Variants in TDRD12 observed in about 807,000 individuals in gnomAD.
The protein encoded by TDRD12 is tudor domain containing 12, also known as putative ATP-dependent RNA helicase TDRD12.
In TDRD12, 158 loss-of-function variants were observed where a neutral mutation model predicts 133.5. The observed-to-expected ratio is 1.18, with a 90% CI of 1.04 to 1.35. TDRD12 has a LOEUF of 1.35. Ranked by LOEUF, TDRD12 falls within the 40% of genes most tolerant of loss-of-function variation. The pLI is 0.00. For missense variants in TDRD12, 1,443 were observed against 1,321.3 expected (o/e 1.09, Z -1.43); for synonymous variants, 460 against 477.9 (o/e 0.96, Z 0.49).
intron 2 of TDRD12, among the ~76,000 whole-genome samples, chr19:32,736,522 A>G (rs1350868630): frequency 6.6e-6 from 1 of 152,238 alleles, no homozygotes. Context: ...TGAATTATTA[A>G]CTATTCATGG....
intron 14 of TDRD12, among the ~76,000 whole-genome samples, chr19:32,795,205 T>C (rs146598178): frequency 0.01 from 1,529 of 151,988 alleles, 24 homozygotes; most frequent in African/African-American, 0.035. Flanking sequence ...CATGGTGGCA[T>C]GCCTGTAATC....
intron 14 of TDRD12, chr19:32,796,041 T>G: frequency 6.1e-6 from 3 of 488,502 alleles, no homozygotes; most frequent in South Asian, 8.8e-5. Context: ...ACCATTTCAC[T>G]GAGAAAGAGG....
chr19:32,771,574 C>T (rs1483580810), intron 8 of TDRD12, among the ~76,000 whole-genome samples: 1 of 150,376 alleles, frequency 6.6e-6, no homozygotes, highest in African/African-American at 2.4e-5. Flanking sequence ...GTGGATATTT[C>T]TCTCCCAATC....
At chr19:32,735,969 TAAA>T (rs1405183432) in intron 2 of TDRD12, among the ~76,000 whole-genome samples, 1 of 152,070 alleles carries the variant, frequency 6.6e-6, no homozygotes, top group Non-Finnish European at 1.5e-5. Context: ...GACTCCATCT[TAAA>T]AAATAAATAG....
At chr19:32,761,088 G>A (rs1419702938) in intron 8 of TDRD12, among the ~76,000 whole-genome samples, 2 of 152,120 alleles carry the variant, frequency 1.3e-5, no homozygotes, top group Non-Finnish European at 2.9e-5. Flanking sequence ...AGCATCACTT[G>A]TTGCATTTAG....
At chr19:32,735,284 A>AT (rs202069679) in intron 2 of TDRD12, among the ~76,000 whole-genome samples, 2 of 152,044 alleles carry the variant, frequency 1.3e-5, no homozygotes, top group African/African-American at 4.8e-5. Flanking sequence ...GAAAAAAAAA[A>AT]TGAAAAAAGA....
At chr19:32,727,724 A>G (rs948011861) in intron 1 of TDRD12, among the ~76,000 whole-genome samples, 6 of 151,982 alleles carry the variant, frequency 3.9e-5, no homozygotes, top group Non-Finnish European at 7.4e-5. Context: ...GCCGGAGTGC[A>G]GTGGTGCAAT....
intron 8 of TDRD12, among the ~76,000 whole-genome samples, chr19:32,761,684 CTTATTTAT>C (rs529431965): frequency 2.0e-5 from 3 of 151,842 alleles, no homozygotes; most frequent in East Asian, 3.9e-4. Context: ...TCAGGAGTTC[CTTATTTAT>C]TTATTTATTT....
At chr19:32,823,368 C>T (rs1182787627), downstream of TDRD12, among the ~76,000 whole-genome samples, 2 of 152,128 alleles carry the variant, frequency 1.3e-5, no homozygotes, top group African/African-American at 4.8e-5. Context: ...AGCCATTTCC[C>T]CACACAGCTT....
At chr19:32,720,172 A>AC in intron 1 of TDRD12, 76 bp downstream of exon 1, 1 of 1,104,518 alleles carries the variant, frequency 9.1e-7, no homozygotes, top group Non-Finnish European at 1.1e-6. Context: ...ACAGCCTCCC[A>AC]CCCCCACCCC....
chr19:32,738,991 A>G (rs775930306), exon 3 of TDRD12: 2 of 1,550,324 alleles, frequency 1.3e-6, no homozygotes, highest in Non-Finnish European at 8.7e-7. Flanking sequence ...CAAATCTAAA[A>G]AGTATGTACA....
exon 7 of TDRD12, chr19:32,755,999 TTAA>T (rs769920837): frequency 1.6e-5 from 23 of 1,466,744 alleles, no homozygotes; most frequent in Middle Eastern, 1.7e-4. Flanking sequence ...CAGGTTTGTG[TTAA>T]TGATGATCTT....
At chr19:32,736,433 T>G (rs1325916151) in intron 2 of TDRD12, among the ~76,000 whole-genome samples, 1 of 152,194 alleles carries the variant, frequency 6.6e-6, no homozygotes, top group African/African-American at 2.4e-5. Context: ...ACAGTGCACC[T>G]GGTCACTGAA....
chr19:32,799,465 T>C (rs116822718), intron 16 of TDRD12, among the ~76,000 whole-genome samples: 8 of 152,162 alleles, frequency 5.3e-5, no homozygotes, highest in Non-Finnish European at 1.0e-4. Flanking sequence ...TTTCCTTGAT[T>C]ATTTTTTAGG....
chr19:32,800,272 G>T lies in TDRD12; in HGVS notation c.1864G>T (p.Glu622Ter). Residue 622 changes from glutamate (E) to a stop codon, truncating the protein, a stop_gained, in exon 17 of 28, where the codon GAA becomes TAA. Coordinates refer to ENST00000444215, the Ensembl canonical transcript of TDRD12. LOFTEE classifies it high-confidence loss of function. ...TGGAGTTCATTGGAACAAACATATA[G>T]AACATCTCATCAAAGAGTTCATGAA... 6.5e-7 allele frequency: 1 copy of T among 1,535,130 alleles called. No homozygotes were observed. The highest frequency in any genetic ancestry group is 1.2e-5 in the South Asian group (1 of 83,724).
At chr19:32,795,482 A>G (rs946265800) in intron 14 of TDRD12, among the ~76,000 whole-genome samples, 1 of 152,196 alleles carries the variant, frequency 6.6e-6, no homozygotes, top group Non-Finnish European at 1.5e-5. Flanking sequence ...AATGAGGCTC[A>G]GGAAGAGTTA....
At chr19:32,800,843 A>C in intron 18 of TDRD12, 71 bp downstream of exon 18, 1 of 1,412,346 alleles carries the variant, frequency 7.1e-7, no homozygotes, top group Non-Finnish European at 9.3e-7. Context: ...TCACAAAATT[A>C]CTGGGGTGGT....
intron 5 of TDRD12, among the ~76,000 whole-genome samples, chr19:32,749,533 A>T (rs1969759864): frequency 6.6e-6 from 1 of 152,020 alleles, no homozygotes; most frequent in Non-Finnish European, 1.5e-5. Flanking sequence ...GGGACTGGAA[A>T]TCTGGGTTTG....
Position 32,782,292 on chromosome 19 carries a change from G to A in TDRD12, c.1121+5063G>A, listed in dbSNP as rs186340401. The stretch of plus-strand genomic sequence containing the variant: ...TCATCCCTGTCCCTGCAAAGGACAT[G>A]AACTCATCCTTTTTTATGGCTGCAT... On this transcript the variant is annotated intron_variant, in intron 11 of 27. Coordinates refer to ENST00000444215, the Ensembl canonical transcript of TDRD12. Among the ~76,000 whole-genome samples the A allele has an allele frequency of 5.8e-3, 878 of 152,266 alleles. 9 individuals carry two copies. The highest frequency in any genetic ancestry group is 0.02 in the African/African-American group (827 of 41,554).
Sources: gnomAD v4.1 joint callset for allele counts (sites outside exome capture counted in the v4.1 genomes callset) on GRCh38, gnomAD v4.1.1 for gene constraint, MANE v1.5 for transcripts, NCBI Gene and HGNC (gene_info 2026-07-23, HGNC 2026-07-21) for gene names.